DMBT1: variants seen among roughly 807,000 people sequenced by gnomAD.
The protein encoded by DMBT1 is scavenger receptor cysteine-rich domain-containing protein DMBT1.
Under a neutral mutation model 252.9 loss-of-function variants are expected in DMBT1, and 198 were observed. The observed-to-expected ratio is 0.78, with a 90% CI of 0.70 to 0.88. The LOEUF (loss-of-function observed/expected upper bound fraction) is 0.88. Ranked by LOEUF, DMBT1 falls within the 40% of genes least tolerant of loss-of-function variation. The pLI, the probability that DMBT1 is intolerant of heterozygous loss-of-function variation, is 0.00. For missense variants in DMBT1, 2,432 were observed against 2,404.7 expected (o/e 1.01, Z -0.24); for synonymous variants, 990 against 942.7 (o/e 1.05, Z -0.92).
chr10:122,634,233 C>T (rs57082580), intron 52 of DMBT1, among the ~76,000 whole-genome samples: 5,941 of 152,186 alleles, frequency 0.039, 163 homozygotes, highest in South Asian at 0.13. Flanking sequence ...CCCCAGGGGT[C>T]GGGCAGAGAT....
intron 9 of DMBT1, 66 bp downstream of exon 9, chr10:122,578,825 A>G (rs1013141935): frequency 3.3e-5 from 48 of 1,463,844 alleles, no homozygotes; most frequent in African/African-American, 4.2e-5. Context: ...TGGATTTCAT[A>G]GTTCACTTAT....
At chr10:122,634,779 G>A (rs553463456) in intron 52 of DMBT1, among the ~76,000 whole-genome samples, 2 of 152,220 alleles carry the variant, frequency 1.3e-5, no homozygotes, top group South Asian at 2.1e-4. Context: ...TTACAGGTGT[G>A]AGCCACCATG....
At chr10:122,578,298 G>A (rs1408888860) in intron 8 of DMBT1, among the ~76,000 whole-genome samples, 1 of 152,192 alleles carries the variant, frequency 6.6e-6, no homozygotes, top group East Asian at 1.9e-4. Flanking sequence ...GCCATGCTGA[G>A]GGGAGAGAGA....
At chr10:122,617,371 G>T in intron 40 of DMBT1, 111 bp downstream of exon 40, 2 of 1,332,530 alleles carry the variant, frequency 1.5e-6, no homozygotes, top group East Asian at 2.5e-5. Context: ...ATGTCCCTGT[G>T]GGTTGGGTGG....
At position 122,561,545 on chromosome 10, in the gene DMBT1, T is replaced by C. The variant is rs541371726; in HGVS notation, c.61+714T>C. 3.6e-3 allele frequency among the ~76,000 whole-genome samples: 505 copies of C among 141,972 alleles called. 31 individuals carry two copies. In the South Asian group the frequency reaches 0.11, roughly 32 times the overall value. 93.1% of individuals were successfully genotyped at this position (141,972 alleles called of 152,430 possible). On this transcript the variant is annotated intron_variant, in intron 1 of 55. Transcript: ENST00000338354. ...CAAGTGATTCTCAGTTTGCCTATTT[T>C]GTCTCTCTCTTCCTGTCTCTCTGCC... is the stretch of plus-strand genomic sequence containing the variant.
At chr10:122,598,418 C>T (rs1026074538) in intron 25 of DMBT1, among the ~76,000 whole-genome samples, 5 of 152,172 alleles carry the variant, frequency 3.3e-5, no homozygotes, top group Non-Finnish European at 7.3e-5. Context: ...AGAAGTCAGA[C>T]AAGACCATAG....
At chr10:122,565,325 T>C (rs1320932290) in intron 1 of DMBT1, among the ~76,000 whole-genome samples, 1 of 152,174 alleles carries the variant, frequency 6.6e-6, no homozygotes, top group Non-Finnish European at 1.5e-5. Flanking sequence ...TTTTTTTAAA[T>C]GAATAAATAC....
At chr10:122,572,003 A>T (rs2097668396) in intron 4 of DMBT1, among the ~76,000 whole-genome samples, 1 of 152,216 alleles carries the variant, frequency 6.6e-6, no homozygotes, top group Non-Finnish European at 1.5e-5. Context: ...AAACAGCCAG[A>T]TGTCATTTGA....
At position 122,633,336 on chromosome 10, in the gene DMBT1, T is replaced by G; in HGVS notation, c.6543T>G (p.Asp2181Glu). ...ACCGTGTGACTGTGATCTTCAGAGA[T>G]GTCCAGTAAGTGTGCGCCCAGAAGA... ...NNYRVTVIFR[D>E]VQLEGGCNYD... The change falls in exon 52 of 56, where the codon GAT (aspartate) becomes GAG (glutamate). Residue 2181 changes from aspartate to glutamate, a missense_variant. Asp to Glu is a conservative substitution (Grantham distance 45, BLOSUM62 2). Around this residue, in one of 3 missense-constraint regions of DMBT1, gnomAD observed 1,162 missense variants for 1,169.0 expected, o/e 0.99. Transcript: ENST00000338354. 1 of 1,613,852 alleles carries G rather than the reference T, an allele frequency of 6.2e-7. No individual in the cohort carries two copies. Among genetic ancestry groups the G allele is most frequent in the Non-Finnish European group, 8.5e-7 (1 of 1,179,862 alleles).
rs771965206 is a variant in DMBT1 at position 122,619,286 on chromosome 10, CCTTCT to C, written c.5216-13_5216-9del. 8 of 1,613,790 alleles carry C rather than the reference CCTTCT, an allele frequency of 5.0e-6. No individual in the cohort carries two copies. The highest frequency in any genetic ancestry group is 1.3e-5 in the African/African-American group (1 of 74,924). Reference sequence around the variant, plus strand: ...TTTCTGTATAGTGCATCTGATCTGACCTTCTCTTCTCTTTCTCACAGCTGCTCAGT... The same window carrying C: ...TTTCTGTATAGTGCATCTGATCTGACCTTCTCTTTCTCACAGCTGCTCAGT... On this transcript the variant is annotated splice_polypyrimidine_tract_variant and intron_variant, in intron 41 of 55. Coordinates refer to ENST00000338354, the MANE Select transcript of DMBT1 (RefSeq NM_001377530.1).
In DMBT1 at chr10:122,624,604, G is replaced by T. The variant is rs188821134; in HGVS notation, c.5609-673G>T. 2.2e-4 allele frequency among the ~76,000 whole-genome samples: 34 copies of T among 152,334 alleles called. 1 individual carries two copies. Among genetic ancestry groups the T allele is most frequent in the Admixed American group, 1.5e-3 (23 of 15,312 alleles). On this transcript the variant is annotated intron_variant, in intron 44 of 55. Transcript: ENST00000338354. ...AGTGTCAGGGCCAGGTGGAGGTCCT[G>T]TACCAAGTCTCCTGGGGCACCGTGT... is the stretch of plus-strand genomic sequence containing the variant.
Position 122,579,670 on chromosome 10 carries a change from G to C in DMBT1, c.772G>C (p.Val258Leu), listed in dbSNP as rs765847530. 1.2e-6 allele frequency: 2 copies of C among 1,613,748 alleles called. No individual in the cohort carries two copies. Among genetic ancestry groups the C allele is most frequent in the South Asian group, 2.2e-5 (2 of 91,082 alleles). ...EVLYRGSWGT[V>L]CDDYWDTNDA... ...CCTATACCGAGGCTCCTGGGGCACC[G>C]TGTGTGATGACTACTGGGACACCAA... The change falls in exon 10 of 56, where the codon GTG becomes CTG. Residue 258 changes from valine (V) to leucine (L), a missense_variant. Val to Leu is a conservative substitution (Grantham distance 32). Transcript: ENST00000338354.
intron 1 of DMBT1, among the ~76,000 whole-genome samples, chr10:122,561,544 T>C (rs11499290): frequency 0.68 from 102,321 of 150,768 alleles, 34,978 homozygotes; most frequent in South Asian, 0.79. Context: ...TTTGCCTATT[T>C]TGTCTCTCTC....
In DMBT1 at chr10:122,598,846, A is replaced by G. The variant is rs909091973; in HGVS notation, c.3029A>G (p.Tyr1010Cys). Residue 1010 changes from tyrosine to cysteine, a missense_variant, in exon 26 of 56, where the codon TAC becomes TGC. Around this residue, in one of 3 missense-constraint regions of DMBT1, gnomAD observed 1,264 missense variants for 1,082.2 expected, o/e 1.17. Transcript: ENST00000338354. Reference protein sequence around the residue: ...DRCQGRVEVLYQGSWGTVCDD... With the variant: ...DRCQGRVEVLCQGSWGTVCDD... ...TGTCAGGGCCGAGTGGAGGTCCTAT[A>G]CCAAGGCTCCTGGGGCACCGTGTGC... 6.2e-7 allele frequency: 1 copy of G among 1,613,700 alleles called. No homozygotes were observed.
In DMBT1 at chr10:122,600,211, A is replaced by T. The variant is rs1437028641; in HGVS notation, c.3310+118A>T. ...GGATACTGTGGGGCATATTATTTCTACCCCCAACACCAGTTGTGTAACTGA... is the reference window on the plus strand; with the variant it reads ...GGATACTGTGGGGCATATTATTTCTTCCCCCAACACCAGTTGTGTAACTGA... On this transcript the variant is annotated intron_variant, in intron 27 of 55. Coordinates refer to ENST00000338354, the MANE Select transcript of DMBT1 (RefSeq NM_001377530.1). The T allele has an allele frequency of 5.9e-6, 8 of 1,367,092 alleles. 1 individual carries two copies. The African/African-American group carries it at 1.1e-4, about 19-fold the overall frequency. 84.7% of individuals were successfully genotyped at this position (1,367,092 alleles called of 1,614,324 possible).
chr10:122,590,880 T>C (rs1355628731), intron 18 of DMBT1, among the ~76,000 whole-genome samples, 186 bp downstream of exon 18: 1 of 148,232 alleles, frequency 6.7e-6, no homozygotes, highest in Non-Finnish European at 1.5e-5. Flanking sequence ...GTATGATCTT[T>C]CTAAGAATTG....
At chr10:122,589,413 T>G in intron 17 of DMBT1, 146 bp downstream of exon 17, 1 of 1,367,004 alleles carries the variant, frequency 7.3e-7, no homozygotes, top group Non-Finnish European at 9.8e-7. Context: ...GGAAACTGCA[T>G]GAGTCTTCAC....
chr10:122,598,648 C>T (rs2097908620), intron 25 of DMBT1, 126 bp from the exon 26 acceptor site: 2 of 1,543,292 alleles, frequency 1.3e-6, no homozygotes. Context: ...TGATTTTATT[C>T]ATATTCAAAG....
intron 52 of DMBT1, among the ~76,000 whole-genome samples, chr10:122,634,415 C>CTTTCTT (rs2098199675): frequency 2.0e-4 from 15 of 75,106 alleles, no homozygotes; most frequent in African/African-American, 8.2e-4. Flanking sequence ...CTTTCTTTCT[C>CTTTCTT]TCTCTCTCTC....
Sources: gnomAD v4.1 joint callset for allele counts (sites outside exome capture counted in the v4.1 genomes callset) on GRCh38, gnomAD v4.1.1 for gene constraint, gnomAD v4.1.1 regional missense constraint, MANE v1.5 for transcripts, NCBI Gene and HGNC (gene_info 2026-07-23, HGNC 2026-07-21) for gene names.